EYS: variants seen among roughly 807,000 people sequenced by gnomAD.
EYS encodes the protein EGF-like photoreceptor maintenance factor, also known as protein eyes shut homolog.
In EYS, 250 loss-of-function variants were observed where a neutral mutation model predicts 282.1. The observed-to-expected ratio is 0.89, with a 90% CI of 0.80 to 0.98. The LOEUF (loss-of-function observed/expected upper bound fraction) is 0.98. Ranked by LOEUF, EYS falls within the 50% of genes least tolerant of loss-of-function variation. The pLI is 0.00. For synonymous variants in EYS, 1,355 were observed against 1,282.9 expected (o/e 1.06, Z -1.20); for missense variants, 4,016 against 3,709.0 (o/e 1.08, Z -2.15).
chr6:63,944,146 T>C (rs1765321746), intron 35 of EYS, among the ~76,000 whole-genome samples: 1 of 152,170 alleles, frequency 6.6e-6, no homozygotes, highest in Non-Finnish European at 1.5e-5. Flanking sequence ...CTAGTTTGTG[T>C]TGGGTTTCTG....
intron 26 of EYS, among the ~76,000 whole-genome samples, chr6:64,521,097 C>A (rs991608746): frequency 6.6e-6 from 1 of 151,694 alleles, no homozygotes; most frequent in Admixed American, 6.6e-5. Flanking sequence ...AGTTACAGCT[C>A]AACATTTGCC....
chr6:64,982,191 AC>A (rs1452178011), intron 14 of EYS, among the ~76,000 whole-genome samples: 3 of 151,496 alleles, frequency 2.0e-5, no homozygotes, highest in South Asian at 2.1e-4. Context: ...TCTGCATGGT[AC>A]CTTTTTCATG....
chr6:64,219,155 T>C (rs1044899255), intron 31 of EYS, among the ~76,000 whole-genome samples: 2 of 152,204 alleles, frequency 1.3e-5, no homozygotes, highest in Admixed American at 1.3e-4. Flanking sequence ...TTTTGATGCT[T>C]TTCCTGATTT....
intron 14 of EYS, among the ~76,000 whole-genome samples, chr6:64,974,587 G>T (rs1034813633): frequency 6.6e-6 from 1 of 151,790 alleles, no homozygotes; most frequent in Non-Finnish European, 1.5e-5. Context: ...TCAAAAATTT[G>T]GGGGAGATTA....
At chr6:65,435,012 G>A (rs1768021499) in intron 5 of EYS, among the ~76,000 whole-genome samples, 3 of 151,646 alleles carry the variant, frequency 2.0e-5, no homozygotes, top group Admixed American at 6.6e-5. Flanking sequence ...TACTGGGTTA[G>A]TATATTAAAT....
chr6:65,273,087 TC>T (rs1243953435), intron 12 of EYS, among the ~76,000 whole-genome samples: 2 of 152,190 alleles, frequency 1.3e-5, no homozygotes, highest in Non-Finnish European at 2.9e-5. Flanking sequence ...AAAAAAAGAT[TC>T]ATGTCATAAG....
chr6:65,519,165 A>T (rs1767252261), intron 2 of EYS, among the ~76,000 whole-genome samples: 1 of 152,104 alleles, frequency 6.6e-6, no homozygotes, highest in Non-Finnish European at 1.5e-5. Context: ...AATGCTAATA[A>T]TGCTTGGTCG....
At chr6:63,956,028 C>T (rs1765802989) in intron 35 of EYS, among the ~76,000 whole-genome samples, 2 of 152,164 alleles carry the variant, frequency 1.3e-5, no homozygotes, top group African/African-American at 2.4e-5. Context: ...GTTCCCACAC[C>T]ACCCCTAATC....
At chr6:64,949,542 C>G (rs72873092) in intron 14 of EYS, among the ~76,000 whole-genome samples, 4,033 of 151,804 alleles carry the variant, frequency 0.027, 75 homozygotes, top group Middle Eastern at 0.045. Context: ...TGTTAAAGGC[C>G]CATTTAATTA....
intron 8 of EYS, among the ~76,000 whole-genome samples, chr6:65,367,991 C>T (rs543267188): frequency 1.3e-5 from 2 of 151,710 alleles, no homozygotes; most frequent in African/African-American, 2.4e-5. Flanking sequence ...TTAATTGCCT[C>T]ACAGTTCAGC....
intron 33 of EYS, among the ~76,000 whole-genome samples, chr6:63,999,712 C>T (rs898413178): frequency 7.2e-5 from 11 of 152,146 alleles, no homozygotes; most frequent in African/African-American, 2.4e-4. Flanking sequence ...GCTAATGTAT[C>T]GGCTGGTACT....
intron 1 of EYS, among the ~76,000 whole-genome samples, chr6:65,700,943 A>G (rs1002076625): frequency 6.6e-6 from 1 of 152,158 alleles, no homozygotes; most frequent in Non-Finnish European, 1.5e-5. Flanking sequence ...TCTATGTCAC[A>G]TATCTGGTTT....
At chr6:63,755,977 C>A (rs1014201301) in intron 41 of EYS, among the ~76,000 whole-genome samples, 1 of 152,068 alleles carries the variant, frequency 6.6e-6, no homozygotes, top group African/African-American at 2.4e-5. Flanking sequence ...GCACATTGAT[C>A]TTGTATCCTG....
chr6:65,490,349 T>G (rs1765993980), intron 5 of EYS: 1 of 320,788 alleles, frequency 3.1e-6, no homozygotes, highest in Non-Finnish European at 5.8e-6. Flanking sequence ...GTAAGTAATT[T>G]TATGGTGAAA....
At chr6:64,724,940 GCTGA>G (rs1174460183) in intron 22 of EYS, among the ~76,000 whole-genome samples, 3 of 151,962 alleles carry the variant, frequency 2.0e-5, no homozygotes, top group East Asian at 1.9e-4. Flanking sequence ...ACCCAAATAA[GCTGA>G]CTAAGAATTT....
Position 65,335,018 on chromosome 6 carries a change from T to C in EYS, c.1728A>G (p.Gln576=). 1 of 1,611,042 alleles carries C rather than the reference T, an allele frequency of 6.2e-7. No homozygotes were observed. Among genetic ancestry groups the C allele is most frequent in the Non-Finnish European group, 8.5e-7 (1 of 1,178,056 alleles). Residue 576 remains glutamine, a synonymous_variant, in exon 11 of 43, where the codon CAA becomes CAG. Coordinates refer to ENST00000503581, the MANE Select transcript of EYS (RefSeq NM_001142800.2). The part of the protein sequence containing the change: ...NTTDDQENEC[Q]HEAVCKDEIN... ...TTTCATCTTTACAAACAGCTTCATG[T>C]TGACACTCATTTTCTTGATCATCAG... is the stretch of plus-strand genomic sequence containing the variant.
intron 2 of EYS, among the ~76,000 whole-genome samples, chr6:65,556,917 A>G (rs932160855): frequency 1.4e-4 from 22 of 152,304 alleles, no homozygotes; most frequent in African/African-American, 5.1e-4. Flanking sequence ...TAATTTGGAT[A>G]ATAAAAGTAG....
At chr6:64,178,608 A>G (rs1308762305) in intron 31 of EYS, among the ~76,000 whole-genome samples, 2 of 152,156 alleles carry the variant, frequency 1.3e-5, no homozygotes, top group Admixed American at 6.6e-5. Context: ...AATCAGAGAG[A>G]TGTGACCTTT....
intron 22 of EYS, among the ~76,000 whole-genome samples, chr6:64,802,017 C>CTTTTTTTTTTTT (rs1157712956): frequency 1.0e-4 from 6 of 57,636 alleles, no homozygotes; most frequent in Non-Finnish European, 2.2e-4. Context: ...TAACAAATTT[C>CTTTTTTTTTTTT]TTTTTCTTTT....
Sources: allele counts gnomAD v4.1 joint callset (sites outside exome capture counted in the v4.1 genomes callset), GRCh38; gene constraint gnomAD v4.1.1; transcripts MANE v1.5; gene names NCBI Gene and HGNC (gene_info 2026-07-23, HGNC 2026-07-21).